FHIP2B: variants seen among roughly 807,000 people sequenced by gnomAD.
The protein encoded by FHIP2B is FHF complex subunit HOOK interacting protein 2B, also known as FHF complex subunit HOOK-interacting protein 2B.
A neutral mutation model predicts 84.0 loss-of-function variants in FHIP2B; 72 were observed. That is an observed-to-expected ratio of 0.86 (90% CI 0.71 to 1.04). The LOEUF (loss-of-function observed/expected upper bound fraction) is 1.04, where lower values mean the gene tolerates loss of function less well. Ranked by LOEUF, FHIP2B falls within the 50% of genes least tolerant of loss-of-function variation. The pLI is 0.00. For missense variants in FHIP2B, 972 were observed against 968.9 expected (o/e 1.00, Z -0.04); for synonymous variants, 497 against 418.7 (o/e 1.19, Z -2.28).
intron 10 of FHIP2B, 88 bp downstream of exon 10, chr8:22,099,981 C>A: frequency 7.5e-7 from 1 of 1,337,536 alleles, no homozygotes; most frequent in South Asian, 1.5e-5. Flanking sequence ...TTAGTGTTCC[C>A]AGTTGACTCC....
In FHIP2B at chr8:22,097,845, C is replaced by T. The variant is rs2131707042; in HGVS notation, c.525+6C>T. 6.2e-7 allele frequency: 1 copy of T among 1,612,048 alleles called. No individual in the cohort carries two copies. The highest frequency in any genetic ancestry group is 2.2e-5 in the East Asian group (1 of 44,832). ...TGCTCGCCTACATCCTGGAAGTGAGCACTCTGATCGGGAACAGGAGGGGGA... is the reference window on the plus strand; with the variant it reads ...TGCTCGCCTACATCCTGGAAGTGAGTACTCTGATCGGGAACAGGAGGGGGA... On this transcript the variant is annotated splice_donor_region_variant and intron_variant, in intron 5 of 16. Coordinates refer to ENST00000289921, the MANE Select transcript of FHIP2B (RefSeq NM_022749.7).
At position 22,099,784 on chromosome 8, in the gene FHIP2B, A is replaced by G. The variant is rs1392661333; in HGVS notation, c.1232A>G (p.Glu411Gly). Residue 411 changes from glutamate to glycine, a missense_variant, in exon 10 of 17, where the codon GAG becomes GGG. Transcript: ENST00000289921. ...RQLRSPALLR[E>G]AVAFLLGTDR... Reference sequence around the variant, plus strand: ...CTTCGCTCCCCTGCGCTGCTGCGGGAGGCCGTGGCTTTCCTCCTGGGCACA... The same window carrying G: ...CTTCGCTCCCCTGCGCTGCTGCGGGGGGCCGTGGCTTTCCTCCTGGGCACA... 2 of 1,612,466 alleles carry G rather than the reference A, an allele frequency of 1.2e-6. No homozygotes were observed. Among genetic ancestry groups the G allele is most frequent in the East Asian group, 2.2e-5 (1 of 44,874 alleles).
At position 22,097,847 on chromosome 8, in the gene FHIP2B, C is replaced by G; in HGVS notation, c.525+8C>G. 1.9e-6 allele frequency: 3 copies of G among 1,611,802 alleles called. No individual in the cohort carries two copies. Among genetic ancestry groups the G allele is most frequent in the East Asian group, 4.5e-5 (2 of 44,814 alleles). On this transcript the variant is annotated splice_region_variant and intron_variant, in intron 5 of 16. Coordinates refer to ENST00000289921, the MANE Select transcript of FHIP2B (RefSeq NM_022749.7). Reference sequence around the variant, plus strand: ...CTCGCCTACATCCTGGAAGTGAGCACTCTGATCGGGAACAGGAGGGGGAGG... The same window carrying G: ...CTCGCCTACATCCTGGAAGTGAGCAGTCTGATCGGGAACAGGAGGGGGAGG...
chr8:22,089,689 C>G lies in FHIP2B; in HGVS notation c.45+391C>G, dbSNP rs796262724. 7 of 1,089,440 alleles carry G rather than the reference C, an allele frequency of 6.4e-6. No homozygotes were observed. In the African/African-American group the frequency reaches 8.1e-5, roughly 13 times the overall value. 67.5% of individuals were successfully genotyped at this position (1,089,440 alleles called of 1,614,324 possible). ...CAGTCCCGGTGGGCCTGCCTCCTTC[C>G]TCCGCTCCACCCCACCGCCTCGCCT... On this transcript the variant is annotated intron_variant, in intron 1 of 16. Transcript: ENST00000289921.
At chr8:22,098,338 G>C in intron 6 of FHIP2B, 28 bp downstream of exon 6, 2 of 1,544,324 alleles carry the variant, frequency 1.3e-6, no homozygotes, top group African/African-American at 2.7e-5. Flanking sequence ...GGAGAGGTTG[G>C]GGGTGGGGGA....
rs142389170 is a variant in FHIP2B, at chr8:22,089,960, T to A, written c.45+662T>A. 950 of 689,716 alleles carry A rather than the reference T, an allele frequency of 1.4e-3. 6 individuals are homozygous for A. The African/African-American group carries it at 0.017, about 12-fold the overall frequency. 42.7% of individuals were successfully genotyped at this position (689,716 alleles called of 1,614,324 possible). A position where few individuals can be genotyped will look rare whatever the true frequency, so the allele number is the denominator to read the frequency against. ...TGACCCCTCACAAGCCAAATTGAGTTAGGGACATGCCGCCCGTGGTGGGGC... is the reference window on the plus strand; with the variant it reads ...TGACCCCTCACAAGCCAAATTGAGTAAGGGACATGCCGCCCGTGGTGGGGC... On this transcript the variant is annotated intron_variant, in intron 1 of 16. Coordinates refer to ENST00000289921, the MANE Select transcript of FHIP2B (RefSeq NM_022749.7).
rs1563593013 is a variant in FHIP2B, at chr8:22,096,520, C to T, written c.297+11C>T. 1.3e-6 allele frequency: 2 copies of T among 1,513,064 alleles called. No individual in the cohort carries two copies. Among genetic ancestry groups the T allele is most frequent in the Non-Finnish European group, 1.8e-6 (2 of 1,125,630 alleles). The allele number at this position is 1,513,064 out of a possible 1,614,324, so 93.7% of individuals were successfully genotyped here. ...CTGGGCAAGGCCGAGGTGGGAGGCC[C>T]TCTGCGCGCTGGGCCAGGCCGAGGT... is the stretch of plus-strand genomic sequence containing the variant. On this transcript the variant is annotated intron_variant, in intron 3 of 16. Coordinates refer to ENST00000289921, the MANE Select transcript of FHIP2B (RefSeq NM_022749.7).
chr8:22,100,392 A>G (rs1432896214), intron 10 of FHIP2B: 2 of 479,556 alleles, frequency 4.2e-6, no homozygotes, highest in East Asian at 6.9e-5. Flanking sequence ...ACATCAAATT[A>G]GTCACATACC....
chr8:22,094,561 G>A (rs370366168), intron 2 of FHIP2B, 43 bp downstream of exon 2: 31 of 1,606,758 alleles, frequency 1.9e-5, no homozygotes, highest in Admixed American at 6.8e-5. Flanking sequence ...TGGAGGGAGC[G>A]GGGAGGAAGG....
chr8:22,100,515 A>C, intron 10 of FHIP2B, 79 bp from the exon 11 acceptor site: 1 of 1,410,380 alleles, frequency 7.1e-7, no homozygotes, highest in Non-Finnish European at 9.3e-7. Flanking sequence ...GTCTTTTCTT[A>C]TCTGGGTTAG....
At position 22,102,623 on chromosome 8, in the gene FHIP2B, G is replaced by A. The variant is rs1263848017; in HGVS notation, c.2088G>A (p.Gly696=). Residue 696 remains glycine, a synonymous_variant, in exon 16 of 17, where the codon GGG becomes GGA. Coordinates refer to ENST00000289921, the MANE Select transcript of FHIP2B (RefSeq NM_022749.7). ...AGCAGTTGACGGGCCAGGCTCCTGG[G>A]GAGCAGTGAGTACCAAGGGTGCCAG... ...VRKQLTGQAP[G]EQLDHQTLLQ... is the part of the protein sequence containing the mutation. The A allele has an allele frequency of 1.9e-6, 3 of 1,562,628 alleles. No homozygotes were observed. The highest frequency in any genetic ancestry group is 2.6e-6 in the Non-Finnish European group (3 of 1,153,868).
chr8:22,089,560 T>A (rs1825355907), intron 1 of FHIP2B, among the ~76,000 whole-genome samples: 1 of 151,908 alleles, frequency 6.6e-6, no homozygotes, highest in Admixed American at 6.5e-5. Context: ...CTGTGCGTCC[T>A]GGCCCCGGAG....
chr8:22,093,833 C>A (rs181314380), intron 1 of FHIP2B, among the ~76,000 whole-genome samples: 334 of 150,186 alleles, frequency 2.2e-3, no homozygotes, highest in Non-Finnish European at 4.1e-3. Context: ...TCCTCGCACC[C>A]CAGCCTCCCA....
In FHIP2B at chr8:22,097,859, A is replaced by G. The variant is rs372519731; in HGVS notation, c.525+20A>G. On this transcript the variant is annotated intron_variant, in intron 5 of 16. Coordinates refer to ENST00000289921, the MANE Select transcript of FHIP2B (RefSeq NM_022749.7). The stretch of plus-strand genomic sequence containing the variant: ...CTGGAAGTGAGCACTCTGATCGGGA[A>G]CAGGAGGGGGAGGGCCCAGAACCCC... 4.8e-5 allele frequency: 77 copies of G among 1,609,996 alleles called. 2 individuals are homozygous for G. The South Asian group carries it at 4.8e-4, about 10-fold the overall frequency.
At chr8:22,096,679 G>A (rs1180027143) in intron 3 of FHIP2B, 170 bp downstream of exon 3, 2 of 926,354 alleles carry the variant, frequency 2.2e-6, no homozygotes, top group Non-Finnish European at 3.0e-6. Flanking sequence ...GGGGCTCCCT[G>A]GATTCCAGGC....
At chr8:22,096,024 G>GCT (rs1825746873) in intron 2 of FHIP2B, 1 of 210,940 alleles carries the variant, frequency 4.7e-6, no homozygotes, top group Non-Finnish European at 9.4e-6. Flanking sequence ...GCCTTCTGTG[G>GCT]GCCCAGGACC....
At position 22,103,202 on chromosome 8, in the gene FHIP2B, C is replaced by T; in HGVS notation, c.*271C>T. 1 of 506,964 alleles carries T rather than the reference C, an allele frequency of 2.0e-6. No individual in the cohort carries two copies. Among genetic ancestry groups the T allele is most frequent in the Non-Finnish European group, 3.6e-6 (1 of 279,600 alleles). The allele number at this position is 506,964 out of a possible 1,614,324, so 31.4% of individuals were successfully genotyped here. On this transcript the variant is annotated 3_prime_UTR_variant, in exon 17 of 17. Coordinates refer to ENST00000289921, the MANE Select transcript of FHIP2B (RefSeq NM_022749.7). ...GACAGCCAGGTGAGCACCCAGACCCCAGACCCTCATGTGCTGTGTGCCTGG... is the reference window on the plus strand; with the variant it reads ...GACAGCCAGGTGAGCACCCAGACCCTAGACCCTCATGTGCTGTGTGCCTGG...
intron 3 of FHIP2B, chr8:22,096,759 G>A (rs548045179): frequency 2.6e-5 from 12 of 453,658 alleles, no homozygotes; most frequent in South Asian, 2.6e-4. Flanking sequence ...CAAACAGGAC[G>A]GGCACTGTGG....
rs370102609 is a variant in FHIP2B, at chr8:22,100,574, C to T, written c.1342-20C>T. ...CTGGGTGGGGAAGGGGCTATCCTGC[C>T]GACCCCCTTCCTGCTCCAGATCAGC... On this transcript the variant is annotated intron_variant, in intron 10 of 16. Coordinates refer to ENST00000289921, the MANE Select transcript of FHIP2B (RefSeq NM_022749.7). 9.2e-6 allele frequency: 14 copies of T among 1,521,592 alleles called. No individual in the cohort carries two copies. The highest frequency in any genetic ancestry group is 2.6e-5 in the South Asian group (2 of 76,266). The allele number at this position is 1,521,592 out of a possible 1,614,324, so 94.3% of individuals were successfully genotyped here.
Sources: allele counts gnomAD v4.1 joint callset (sites outside exome capture counted in the v4.1 genomes callset), GRCh38; gene constraint gnomAD v4.1.1; transcripts MANE v1.5; gene names NCBI Gene and HGNC (gene_info 2026-07-23, HGNC 2026-07-21).